The following SMC4 variants were observed in gnomAD, a reference collection of about 807,000 sequenced individuals.
SMC4 encodes the protein structural maintenance of chromosomes protein 4.
A neutral mutation model predicts 145.6 loss-of-function variants in SMC4; 87 were observed. The ratio of observed to expected loss-of-function variants is 0.60; its 90% CI spans 0.50 to 0.71. SMC4 has a LOEUF of 0.71. Ranked by LOEUF, SMC4 falls within the 30% of genes least tolerant of loss-of-function variation. The probability of loss-of-function intolerance (pLI) is 0.00; values close to 1 mark genes in which losing one functional copy is unlikely to be tolerated. For missense variants in SMC4, 1,447 were observed against 1,537.1 expected, an observed-to-expected ratio of 0.94 and a Z score of 0.98; for synonymous variants, 558 against 500.7, an observed-to-expected ratio of 1.11 and a Z score of -1.53.
intron 5 of SMC4, among the ~76,000 whole-genome samples, chr3:160,408,114 C>CA (rs1715549644): frequency 6.6e-6 from 1 of 152,138 alleles, no homozygotes; most frequent in Non-Finnish European, 1.5e-5. Flanking sequence ...TGCAAACACT[C>CA]ATATTTGCTG....
Position 160,431,059 on chromosome 3 carries a change from C to T in SMC4, c.2968C>T (p.His990Tyr). ...ATCCTTACCAGAGATCCAGAAAGAACATCGCAATCTGCTTCAAGAATTAAA... is the reference window on the plus strand; with the variant it reads ...ATCCTTACCAGAGATCCAGAAAGAATATCGCAATCTGCTTCAAGAATTAAA... Reference protein sequence around the residue: ...EESLPEIQKEHRNLLQELKVI... With the variant: ...EESLPEIQKEYRNLLQELKVI... Residue 990 changes from histidine (H) to tyrosine (Y), a missense_variant, in exon 20 of 24, where the codon CAT (histidine) becomes TAT (tyrosine). Coordinates refer to ENST00000357388, the MANE Select transcript of SMC4 (RefSeq NM_001002800.3). The T allele has an allele frequency of 6.2e-7, 1 of 1,603,924 alleles. No homozygotes were observed. The highest frequency in any genetic ancestry group is 8.5e-7 in the Non-Finnish European group (1 of 1,177,260).
intron 10 of SMC4, among the ~76,000 whole-genome samples, chr3:160,416,849 T>C (rs1716645053): frequency 6.6e-6 from 1 of 152,176 alleles, no homozygotes; most frequent in African/African-American, 2.4e-5. Context: ...AATCACTTAC[T>C]GTCTCTGTTC....
Position 160,413,460 on chromosome 3 carries a change from TTC to T in SMC4, c.981-12_981-11del. ...GGAGCTTCAATTTCTTTTTTTTTTT[TTC>T]CTCCCTATAGTTATGAGTTGCAGAA... On this transcript the variant is annotated splice_polypyrimidine_tract_variant and intron_variant, in intron 7 of 23. Coordinates refer to ENST00000357388, the MANE Select transcript of SMC4 (RefSeq NM_001002800.3). 2 of 1,570,434 alleles carry T rather than the reference TTC, an allele frequency of 1.3e-6. No homozygotes were observed. Among genetic ancestry groups the T allele is most frequent in the East Asian group, 2.3e-5 (1 of 44,020 alleles).
chr3:160,419,471 TA>T lies in SMC4; in HGVS notation c.1786del (p.Arg596GlyfsTer8), dbSNP rs777580630. 2.5e-6 allele frequency: 4 copies of T among 1,611,524 alleles called. No homozygotes were observed. Among genetic ancestry groups the T allele is most frequent in the East Asian group, 2.2e-5 (1 of 44,730 alleles). On this transcript the variant is annotated frameshift_variant, in exon 12 of 24. Coordinates refer to ENST00000357388, the MANE Select transcript of SMC4 (RefSeq NM_001002800.3). LOFTEE classifies it high-confidence loss of function. ...AGAGCTCATTAGCAATGAATCGAAG[TA>T]GGGGGAAAGTCCTTGATGCAATAAT... ...AKSSLAMNRSRGKVLDAIIQE... is the reference protein window; with the variant it reads ...AKSSLAMNRSXGKVLDAIIQE...
In SMC4 at chr3:160,432,351, G is replaced by C; in HGVS notation, c.3366G>C (p.Gln1122His). Residue 1122 changes from glutamine (Q) to histidine (H), a missense_variant, in exon 22 of 24, where the codon CAG becomes CAC. Gln to His is a conservative substitution (Grantham distance 24, BLOSUM62 0). Coordinates refer to ENST00000357388, the MANE Select transcript of SMC4 (RefSeq NM_001002800.3). Reference sequence around the variant, plus strand: ...CTTATGAAAGAGACAGTTTTAGACAGGCATATGAAGATCTTCGGAAACAAA... The same window carrying C: ...CTTATGAAAGAGACAGTTTTAGACACGCATATGAAGATCTTCGGAAACAAA... ...KITYERDSFR[Q>H]AYEDLRKQRL... The C allele has an allele frequency of 1.9e-6, 3 of 1,614,042 alleles. No homozygotes were observed. The South Asian group carries it at 3.3e-5, about 18-fold the overall frequency.
chr3:160,414,344 T>A, intron 8 of SMC4, 23 bp from the exon 9 acceptor site: 2 of 1,567,642 alleles, frequency 1.3e-6, no homozygotes, highest in Non-Finnish European at 1.8e-6. Flanking sequence ...AAATAATGAC[T>A]TACAATATAC....
chr3:160,427,607 C>T (rs1023363129), intron 17 of SMC4, among the ~76,000 whole-genome samples: 1 of 152,172 alleles, frequency 6.6e-6, no homozygotes, highest in Non-Finnish European at 1.5e-5. Flanking sequence ...TTGTTAGGAG[C>T]TCTATATATC....
At chr3:160,404,692 CTA>C (rs1300554606) in intron 5 of SMC4, 188 bp downstream of exon 5, 4 of 741,692 alleles carry the variant, frequency 5.4e-6, no homozygotes, top group East Asian at 2.7e-5. Flanking sequence ...TCATTCAAAA[CTA>C]TGTTTTCATC....
intron 17 of SMC4, 146 bp from the exon 18 acceptor site, chr3:160,428,607 T>G (rs955906616): frequency 1.1e-5 from 7 of 651,668 alleles, no homozygotes; most frequent in Non-Finnish European, 1.5e-5. Context: ...GGATATCGTT[T>G]TTTTTTTTAA....
At position 160,431,023 on chromosome 3, in the gene SMC4, G is replaced by A. The variant is rs1427863645; in HGVS notation, c.2941-9G>A. The A allele has an allele frequency of 5.0e-6, 8 of 1,586,916 alleles. No homozygotes were observed. The highest frequency in any genetic ancestry group is 3.8e-5 in the Admixed American group (2 of 51,964). ...AAAATTCTATCTAGCAGTTCTTTTC[G>A]GTGTTTAGGAATCCTTACCAGAGAT... On this transcript the variant is annotated splice_polypyrimidine_tract_variant and intron_variant, in intron 19 of 23. Transcript: ENST00000357388.
rs576209327 is a variant in SMC4 at position 160,402,205 on chromosome 3, A to C, written c.318+112A>C. On this transcript the variant is annotated intron_variant, in intron 3 of 23. Transcript: ENST00000357388. ...CTATCCTAAAATTCATTCACTCCCT[A>C]TTTATCCTGATAGTCTTTCTGTCTC... The C allele has an allele frequency of 6.7e-6, 4 of 592,816 alleles. No individual in the cohort carries two copies. In the Admixed American group the frequency reaches 1.6e-4, roughly 24 times the overall value. 36.7% of individuals were successfully genotyped at this position (592,816 alleles called of 1,614,324 possible). A position where few individuals can be genotyped will look rare whatever the true frequency, so the allele number is the denominator to read the frequency against.
At position 160,401,918 on chromosome 3, in the gene SMC4, C is replaced by G. The variant is rs1714719506; in HGVS notation, c.143C>G (p.Thr48Ser). ...RTESPATAAE[T>S]ASEELDNRSL... ...TCCTTTCCTTTCACTGACTTAGAGA[C>G]TGCAAGTGAGGAACTTGATAATAGA... The change falls in exon 3 of 24, where the codon ACT becomes AGT. Residue 48 changes from threonine to serine, a missense_variant. Physicochemically the swap from Thr to Ser is moderately conservative, Grantham distance 58 (BLOSUM62 1). Transcript: ENST00000357388. The G allele has an allele frequency of 5.6e-6, 9 of 1,601,222 alleles. No individual in the cohort carries two copies. Among genetic ancestry groups the G allele is most frequent in the Non-Finnish European group, 7.7e-6 (9 of 1,174,910 alleles).
In SMC4 at chr3:160,423,312, A is replaced by G. The variant is rs1560007464; in HGVS notation, c.2020-113A>G. On this transcript the variant is annotated intron_variant, in intron 13 of 23. Coordinates refer to ENST00000357388, the MANE Select transcript of SMC4 (RefSeq NM_001002800.3). Reference sequence around the variant, plus strand: ...GGTCTAATTTTAGAACCTTTTGTGTATAATTCTTGTTTCTTTTGTTGAATT... The same window carrying G: ...GGTCTAATTTTAGAACCTTTTGTGTGTAATTCTTGTTTCTTTTGTTGAATT... 7.6e-6 allele frequency: 6 copies of G among 791,076 alleles called. No individual in the cohort carries two copies. The South Asian group carries it at 7.7e-5, about 10-fold the overall frequency. The allele number at this position is 791,076 out of a possible 1,614,324, so 49.0% of individuals were successfully genotyped here.
At chr3:160,425,207 GTGT>G (rs1717665983) in intron 16 of SMC4, among the ~76,000 whole-genome samples, 188 bp downstream of exon 16, 1 of 152,144 alleles carries the variant, frequency 6.6e-6, no homozygotes. Context: ...CCCTGTCACA[GTGT>G]TGTTCCAACC....
At chr3:160,417,640 C>A (rs1451760) in intron 10 of SMC4, 83 bp from the exon 11 acceptor site, 3 of 1,059,366 alleles carry the variant, frequency 2.8e-6, no homozygotes, top group Non-Finnish European at 4.2e-6. Flanking sequence ...TTTCTTAAAT[C>A]GAATATAAAA....
chr3:160,429,828 T>C (rs1456252786), intron 18 of SMC4, among the ~76,000 whole-genome samples: 1 of 150,864 alleles, frequency 6.6e-6, no homozygotes, highest in Non-Finnish European at 1.5e-5. Context: ...GTGATTCTCC[T>C]GTCTCAGCCT....
rs779963332 is a variant in SMC4, at chr3:160,404,366, C to A, written c.549C>A (p.Phe183Leu). The A allele has an allele frequency of 1.2e-6, 2 of 1,606,336 alleles. No homozygotes were observed. The highest frequency in any genetic ancestry group is 2.2e-5 in the East Asian group (1 of 44,786). The change falls in exon 5 of 24, where the codon TTC becomes TTA. Residue 183 changes from phenylalanine to leucine, a missense_variant. Transcript: ENST00000357388. ...DDYEVIPNSN[F>L]YVSRTACRDN... is the part of the protein sequence containing the mutation. Reference sequence around the variant, plus strand: ...ATGAAGTCATTCCTAACAGTAATTTCTATGTATCCAGAACGGCCTGCAGAG... The same window carrying A: ...ATGAAGTCATTCCTAACAGTAATTTATATGTATCCAGAACGGCCTGCAGAG...
chr3:160,433,945 AT>A lies in SMC4; in HGVS notation c.*139del. On this transcript the variant is annotated 3_prime_UTR_variant, in exon 24 of 24. Transcript: ENST00000357388. ...CTGGTTTCTGTTTTATGCAGTTGTC[AT>A]TTGTAAAGTCTAATAAAATATTCTC... 1.7e-6 allele frequency: 1 copy of A among 582,226 alleles called. No individual in the cohort carries two copies. The highest frequency in any genetic ancestry group is 2.5e-5 in the South Asian group (1 of 39,370). The allele number at this position is 582,226 out of a possible 1,614,324, so 36.1% of individuals were successfully genotyped here.
Position 160,408,804 on chromosome 3 carries a change from G to A in SMC4, c.688-3116G>A, listed in dbSNP as rs1715633460. On this transcript the variant is annotated intron_variant, in intron 5 of 23. Coordinates refer to ENST00000357388, the MANE Select transcript of SMC4 (RefSeq NM_001002800.3). Reference sequence around the variant, plus strand: ...GGAAAAAGAAGGAAGAAAGGAAATGGTAGCAAGTGGTAGGGCAGGCAAAGG... The same window carrying A: ...GGAAAAAGAAGGAAGAAAGGAAATGATAGCAAGTGGTAGGGCAGGCAAAGG... Among the ~76,000 whole-genome samples the A allele has an allele frequency of 3.3e-5, 5 of 152,120 alleles. 1 individual carries two copies. The South Asian group carries it at 1.0e-3, about 32-fold the overall frequency.
Sources: gnomAD v4.1 joint callset for allele counts (sites outside exome capture counted in the v4.1 genomes callset) on GRCh38, gnomAD v4.1.1 for gene constraint, MANE v1.5 for transcripts, NCBI Gene and HGNC (gene_info 2026-07-23, HGNC 2026-07-21) for gene names.